Variants in SLC20A2 observed in about 807,000 individuals in gnomAD.
The protein encoded by SLC20A2 is solute carrier family 20 member 2.
SLC20A2 carries 30 observed loss-of-function variants against 61.0 expected under a neutral mutation model. The observed-to-expected ratio is 0.49, with a 90% CI of 0.37 to 0.67. The LOEUF (loss-of-function observed/expected upper bound fraction) is 0.67. Among genes scored for constraint, SLC20A2 ranks in the 30% least tolerant of loss-of-function variants. SLC20A2 has a pLI of 0.00. For missense variants in SLC20A2, 626 were observed against 866.4 expected (o/e 0.72, Z 3.48); for synonymous variants, 351 against 353.3 (o/e 0.99, Z 0.07).
chr8:42,455,784 C>G (rs1439706700), intron 5 of SLC20A2, among the ~76,000 whole-genome samples: 1 of 152,156 alleles, frequency 6.6e-6, no homozygotes. Context: ...CCCCAGGGCT[C>G]AGGACTGGAG....
chr8:42,470,712 G>A (rs1165900918), intron 2 of SLC20A2, among the ~76,000 whole-genome samples: 2 of 152,226 alleles, frequency 1.3e-5, no homozygotes, highest in East Asian at 3.9e-4. Context: ...GGTGGCTCAC[G>A]CCTGTAATCC....
chr8:42,459,695 A>G (rs1326945975), intron 5 of SLC20A2, among the ~76,000 whole-genome samples: 1 of 152,172 alleles, frequency 6.6e-6, no homozygotes, highest in East Asian at 1.9e-4. Context: ...AGACAAGTAA[A>G]TGCATTTACC....
intron 6 of SLC20A2, among the ~76,000 whole-genome samples, chr8:42,443,581 C>T (rs770110330): frequency 1.3e-4 from 19 of 151,936 alleles, no homozygotes; most frequent in African/African-American, 3.9e-4. Context: ...CCACATGCCT[C>T]GGCCTCCCAA....
chr8:42,418,106 G>C (rs112473540), intron 10 of SLC20A2, 139 bp from the exon 11 acceptor site: 2 of 611,482 alleles, frequency 3.3e-6, no homozygotes. Context: ...TTTTAAAATA[G>C]CTTAGATTTT....
rs1239018985 is a variant in SLC20A2, at chr8:42,472,631, C to G, written c.-241G>C. The G allele has an allele frequency of 2.2e-6, 1 of 460,278 alleles. No homozygotes were observed. Among genetic ancestry groups the G allele is most frequent in the Admixed American group, 3.8e-5 (1 of 26,482 alleles). 28.5% of individuals were successfully genotyped at this position (460,278 alleles called of 1,614,324 possible). ...CACATTCCATATTTTTCCTCCCGAT[C>G]TGGGAAAGCTGTGATGTCTCCTCCT... On this transcript the variant is annotated 5_prime_UTR_variant, in exon 2 of 11. Transcript: ENST00000520262. The surrounding 1 kb of genome is among the most constrained non-coding windows in gnomAD (Gnocchi z 4.1).
chr8:42,466,286 A>G (rs1330397314), intron 2 of SLC20A2, among the ~76,000 whole-genome samples: 2 of 152,100 alleles, frequency 1.3e-5, no homozygotes, highest in African/African-American at 4.8e-5. Flanking sequence ...GGGTCTCACT[A>G]TGTTAGCCAG....
chr8:42,475,101 C>T (rs192249709), intron 1 of SLC20A2, among the ~76,000 whole-genome samples: 28 of 148,396 alleles, frequency 1.9e-4, no homozygotes, highest in Admixed American at 2.1e-4. Context: ...GGGGTATTGG[C>T]GTGACCAGAC....
At chr8:42,451,887 TGAA>T (rs1324798307) in intron 5 of SLC20A2, among the ~76,000 whole-genome samples, 2 of 99,906 alleles carry the variant, frequency 2.0e-5, no homozygotes, top group African/African-American at 8.2e-5. Flanking sequence ...GAGGAAGAGA[TGAA>T]GAGGAAGAGG....
chr8:42,485,289 C>T (rs968060846), intron 1 of SLC20A2, among the ~76,000 whole-genome samples: 2 of 151,968 alleles, frequency 1.3e-5, no homozygotes, highest in East Asian at 1.9e-4. Context: ...CCAGAAAGCA[C>T]CCCCCTCCAA....
Position 42,479,500 on chromosome 8 carries a change from TA to T in SLC20A2, c.-264-6847del, listed in dbSNP as rs369424384. 4.6e-3 allele frequency among the ~76,000 whole-genome samples: 660 copies of T among 144,216 alleles called. 2 individuals carry two copies. Among genetic ancestry groups the T allele is most frequent in the Admixed American group, 6.1e-3 (88 of 14,404 alleles). The allele number at this position is 144,216 out of a possible 152,430, so 94.6% of individuals were successfully genotyped here. On this transcript the variant is annotated intron_variant, in intron 1 of 10. Coordinates refer to ENST00000520262, the MANE Select transcript of SLC20A2 (RefSeq NM_001257180.2). ...AGTTAGAAATGGTTTACACAGTTCTTAAAAAAAAAAAAAGTAGTTATCTTCT... is the reference window on the plus strand; with the variant it reads ...AGTTAGAAATGGTTTACACAGTTCTTAAAAAAAAAAAAGTAGTTATCTTCT...
Position 42,463,062 on chromosome 8 carries a change from C to T in SLC20A2, c.459G>A (p.Leu153=). The T allele has an allele frequency of 6.2e-7, 1 of 1,600,388 alleles. No homozygotes were observed. Among genetic ancestry groups the T allele is most frequent in the Non-Finnish European group, 8.5e-7 (1 of 1,173,962 alleles). Residue 153 remains leucine (L), a synonymous_variant, in exon 4 of 11, where the codon TTG becomes TTA. Coordinates refer to ENST00000520262, the MANE Select transcript of SLC20A2 (RefSeq NM_001257180.2). ...IVASWFISPL[L]SGFMSGLLFV... is the part of the protein sequence containing the mutation. Reference sequence around the variant, plus strand: ...ACAGCAGGCCAGACATGAAACCAGACAACAGTGGAGATATAAACCAAGAAG... The same window carrying T: ...ACAGCAGGCCAGACATGAAACCAGATAACAGTGGAGATATAAACCAAGAAG...
At chr8:42,480,890 G>A (rs917343189) in intron 1 of SLC20A2, among the ~76,000 whole-genome samples, 7 of 152,114 alleles carry the variant, frequency 4.6e-5, no homozygotes, top group African/African-American at 1.7e-4. Flanking sequence ...CAAACTCCTG[G>A]ACTCAACTGA....
intron 6 of SLC20A2, among the ~76,000 whole-genome samples, chr8:42,444,410 C>T (rs1027450690): frequency 2.0e-5 from 3 of 152,148 alleles, no homozygotes; most frequent in Non-Finnish European, 4.4e-5. Flanking sequence ...CTGCACTGCA[C>T]GGTTAACTTC....
intron 2 of SLC20A2, among the ~76,000 whole-genome samples, chr8:42,466,954 G>A (rs1807219249): frequency 6.6e-6 from 1 of 152,148 alleles, no homozygotes; most frequent in Admixed American, 6.5e-5. Flanking sequence ...ACAGGCATGA[G>A]CTGCCACACT....
chr8:42,490,825 G>A (rs1042790039), intron 1 of SLC20A2, among the ~76,000 whole-genome samples: 5 of 152,176 alleles, frequency 3.3e-5, no homozygotes. Context: ...CAGAAAGTCA[G>A]TGATTCCCTC....
chr8:42,417,924 G>T lies in SLC20A2; in HGVS notation c.1838C>A (p.Ala613Asp). ...VAVGWIRSRK[A>D]VDWRLFRNIF... ...GTTCCGAAAGAGGCGCCAGTCCACA[G>T]CCTTGCGGGAGCGGATCCAGCCCAC... Residue 613 changes from alanine to aspartate, a missense_variant, in exon 11 of 11, where the codon GCT (alanine) becomes GAT (aspartate). This residue lies in a region of SLC20A2 where 138 missense variants were observed against 228.7 expected (regional missense o/e 0.60). Transcript: ENST00000520262. 6.2e-7 allele frequency: 1 copy of T among 1,613,906 alleles called. No individual in the cohort carries two copies. The highest frequency in any genetic ancestry group is 1.3e-5 in the African/African-American group (1 of 75,012).
chr8:42,516,271 C>T (rs1811316985), intron 1 of SLC20A2, among the ~76,000 whole-genome samples: 3 of 152,174 alleles, frequency 2.0e-5, no homozygotes, highest in African/African-American at 4.8e-5. Context: ...CTGACAATCA[C>T]GTAGCCTTTG....
At chr8:42,536,142 A>G (rs1469240374) in intron 1 of SLC20A2, among the ~76,000 whole-genome samples, 2 of 152,250 alleles carry the variant, frequency 1.3e-5, no homozygotes, top group African/African-American at 4.8e-5. Flanking sequence ...ACTTCCTCAG[A>G]TACTTAAACA....
At chr8:42,462,525 A>G (rs547410692) in intron 4 of SLC20A2, among the ~76,000 whole-genome samples, 3 of 149,818 alleles carry the variant, frequency 2.0e-5, no homozygotes, top group South Asian at 4.2e-4. Flanking sequence ...GATGTACCCA[A>G]TAGGTGTATT....
Sources: allele counts gnomAD v4.1 joint callset (sites outside exome capture counted in the v4.1 genomes callset), GRCh38; gene constraint gnomAD v4.1.1; regional missense constraint gnomAD v4.1.1; non-coding constraint Gnocchi (gnomAD v3.1); transcripts MANE v1.5; gene names NCBI Gene and HGNC (gene_info 2026-07-23, HGNC 2026-07-21).